SSBP3: variants seen among roughly 807,000 people sequenced by gnomAD.
SSBP3 encodes single stranded DNA binding protein 3.
SSBP3 carries 5 observed loss-of-function variants against 69.6 expected under a neutral mutation model. The ratio of observed to expected loss-of-function variants is 0.07; its 90% CI spans 0.04 to 0.15. The LOEUF (loss-of-function observed/expected upper bound fraction) is 0.15, where lower values mean the gene tolerates loss of function less well. SSBP3 is among the 10% of genes least tolerant of loss of function. The pLI, the probability that SSBP3 is intolerant of heterozygous loss-of-function variation, is 1.00. For synonymous variants in SSBP3, 196 were observed against 193.4 expected, an observed-to-expected ratio of 1.01 and a Z score of -0.11; for missense variants, 312 against 534.0, an observed-to-expected ratio of 0.58 and a Z score of 4.10.
intron 4 of SSBP3, among the ~76,000 whole-genome samples, chr1:54,284,253 A>G (rs1362948740): frequency 2.0e-5 from 3 of 151,758 alleles, no homozygotes; most frequent in African/African-American, 7.3e-5. Context: ...ACGAAATAAC[A>G]GGCATTAAAT....
At chr1:54,366,376 G>A (rs1011196417) in intron 4 of SSBP3, among the ~76,000 whole-genome samples, 1 of 152,118 alleles carries the variant, frequency 6.6e-6, no homozygotes, top group Admixed American at 6.5e-5. Flanking sequence ...ACAGTCCTAA[G>A]ATACTCTAGG....
At chr1:54,368,859 G>A (rs563023137) in intron 4 of SSBP3, among the ~76,000 whole-genome samples, 13 of 152,188 alleles carry the variant, frequency 8.5e-5, no homozygotes, top group Admixed American at 2.0e-4. Flanking sequence ...CTTCAGGCAA[G>A]TCGTCTCTCT....
intron 5 of SSBP3, among the ~76,000 whole-genome samples, chr1:54,275,258 TTCACTTCACCA>T (rs1645263535): frequency 1.3e-5 from 2 of 152,206 alleles, no homozygotes; most frequent in African/African-American, 4.8e-5. Context: ...TTGCCCTGCC[TTCACTTCACCA>T]TCTGTCAGAT....
intron 4 of SSBP3, among the ~76,000 whole-genome samples, chr1:54,315,156 C>T (rs538624821): frequency 4.6e-5 from 7 of 152,268 alleles, no homozygotes; most frequent in African/African-American, 9.6e-5. Context: ...AGGCTACTAC[C>T]GGAGCCTCCC....
At chr1:54,328,261 C>T (rs568749473) in intron 4 of SSBP3, among the ~76,000 whole-genome samples, 2 of 152,308 alleles carry the variant, frequency 1.3e-5, no homozygotes, top group East Asian at 1.9e-4. Context: ...AAGGAACACA[C>T]GCACGACCCT....
chr1:54,251,324 G>A (rs1644824844), intron 9 of SSBP3, among the ~76,000 whole-genome samples: 1 of 152,190 alleles, frequency 6.6e-6, no homozygotes, highest in Admixed American at 6.5e-5. Context: ...CCCCATGATA[G>A]GCTACCGCAC....
intron 4 of SSBP3, among the ~76,000 whole-genome samples, chr1:54,308,774 A>G (rs139426236): frequency 0.016 from 2,449 of 152,026 alleles, 66 homozygotes; most frequent in African/African-American, 0.054. Flanking sequence ...TCTCAAAAAA[A>G]AAGAAGAAGA....
chr1:54,322,520 C>T (rs146787625), intron 4 of SSBP3, among the ~76,000 whole-genome samples: 625 of 152,204 alleles, frequency 4.1e-3, no homozygotes, highest in Non-Finnish European at 6.5e-3. Context: ...TGATAATGCA[C>T]CTGGCCACAT....
chr1:54,355,863 G>C (rs540749622), intron 4 of SSBP3, among the ~76,000 whole-genome samples: 5 of 152,260 alleles, frequency 3.3e-5, no homozygotes, highest in African/African-American at 1.2e-4. Flanking sequence ...ACGATCCCAC[G>C]TGAGGGCTCC....
chr1:54,364,551 T>C (rs1350831126), intron 4 of SSBP3, among the ~76,000 whole-genome samples: 1 of 152,128 alleles, frequency 6.6e-6, no homozygotes, highest in East Asian at 1.9e-4. Context: ...GGGGAAAATA[T>C]AAATAGAATA....
Position 54,242,150 on chromosome 1 carries a change from A to G in SSBP3, c.765+14T>C. 6.2e-7 allele frequency: 1 copy of G among 1,612,158 alleles called. No homozygotes were observed. Among genetic ancestry groups the G allele is most frequent in the African/African-American group, 1.3e-5 (1 of 74,876 alleles). On this transcript the variant is annotated intron_variant, in intron 11 of 17. Transcript: ENST00000610401. ...CCCCTGACAAACACCACCCCACCCGACCCAGGTACTCACTGAGTTAGCACT... is the reference window on the plus strand; with the variant it reads ...CCCCTGACAAACACCACCCCACCCGGCCCAGGTACTCACTGAGTTAGCACT...
intron 4 of SSBP3, among the ~76,000 whole-genome samples, chr1:54,288,117 T>C (rs1645525439): frequency 6.6e-6 from 1 of 152,088 alleles, no homozygotes; most frequent in Admixed American, 6.5e-5. Context: ...GCTGTGATAA[T>C]TTGGGGTCGC....
intron 4 of SSBP3, among the ~76,000 whole-genome samples, chr1:54,374,251 T>G (rs1647180960): frequency 6.6e-6 from 1 of 152,182 alleles, no homozygotes; most frequent in Non-Finnish European, 1.5e-5. Flanking sequence ...CACGGCGTGT[T>G]GGGGATCCAG....
At chr1:54,343,817 A>G (rs1646647582) in intron 4 of SSBP3, among the ~76,000 whole-genome samples, 1 of 152,182 alleles carries the variant, frequency 6.6e-6, no homozygotes, top group Admixed American at 6.5e-5. Flanking sequence ...CGTCTACCCA[A>G]AGGAAAGACA....
chr1:54,375,187 G>A (rs1329634354), intron 4 of SSBP3, among the ~76,000 whole-genome samples: 1 of 152,210 alleles, frequency 6.6e-6, no homozygotes, highest in Non-Finnish European at 1.5e-5. Flanking sequence ...GGGCTCCGCA[G>A]CACAACAGCC....
chr1:54,408,337 A>C (rs1649906829), upstream of SSBP3, among the ~76,000 whole-genome samples: 1 of 152,202 alleles, frequency 6.6e-6, no homozygotes, highest in Admixed American at 6.5e-5. Flanking sequence ...TAATAGGGCT[A>C]ACTTAAGGTA....
At chr1:54,373,388 G>A (rs1322455436) in intron 4 of SSBP3, among the ~76,000 whole-genome samples, 1 of 152,146 alleles carries the variant, frequency 6.6e-6, no homozygotes, top group Admixed American at 6.6e-5. Flanking sequence ...GAGTTGAGAA[G>A]GGTTACACGA....
At chr1:54,407,505 C>T (rs554967236), upstream of SSBP3, among the ~76,000 whole-genome samples, 1 of 152,230 alleles carries the variant, frequency 6.6e-6, no homozygotes. Flanking sequence ...TCTGCCCACG[C>T]CGAGAACCCA....
chr1:54,358,485 A>G (rs1035404535), intron 4 of SSBP3, among the ~76,000 whole-genome samples: 4 of 152,214 alleles, frequency 2.6e-5, no homozygotes, highest in Admixed American at 1.3e-4. Flanking sequence ...CACAACTGCT[A>G]AACTACAGAC....
Sources: allele counts gnomAD v4.1 joint callset (sites outside exome capture counted in the v4.1 genomes callset), GRCh38; gene constraint gnomAD v4.1.1; transcripts MANE v1.5; gene names NCBI Gene and HGNC (gene_info 2026-07-23, HGNC 2026-07-21).